Variants in CRYL1 observed in about 807,000 individuals in gnomAD.
The protein encoded by CRYL1 is lambda-crystallin homolog.
A neutral mutation model predicts 36.6 loss-of-function variants in CRYL1; 29 were observed. That is an observed-to-expected ratio of 0.79 (90% confidence interval 0.59 to 1.08). The LOEUF is 1.08. Ranked by LOEUF, CRYL1 falls within the 50% of genes least tolerant of loss-of-function variation. The pLI, the probability that CRYL1 is intolerant of heterozygous loss-of-function variation, is 0.00. For missense variants in CRYL1, 411 were observed against 407.9 expected, an observed-to-expected ratio of 1.01 and a Z score of -0.06; for synonymous variants, 152 against 151.5, an observed-to-expected ratio of 1.00 and a Z score of -0.02.
At chr13:20,456,615 C>T (rs1000187548) in intron 3 of CRYL1, among the ~76,000 whole-genome samples, 1 of 40,218 alleles carries the variant, frequency 2.5e-5, no homozygotes, top group Non-Finnish European at 5.1e-5. Context: ...AACACACACA[C>T]ACACACACAC....
intron 2 of CRYL1, among the ~76,000 whole-genome samples, chr13:20,489,975 A>G (rs929057327): frequency 3.3e-5 from 5 of 152,204 alleles, no homozygotes; most frequent in African/African-American, 9.6e-5. Context: ...ACAGGAAGAA[A>G]ATTCTGTCAC....
intron 5 of CRYL1, among the ~76,000 whole-genome samples, chr13:20,417,599 G>A (rs1285815946): frequency 2.6e-5 from 4 of 152,176 alleles, no homozygotes; most frequent in East Asian, 1.9e-4. Context: ...ACATGGTTTC[G>A]CGTCCTGAAA....
intron 3 of CRYL1, among the ~76,000 whole-genome samples, chr13:20,445,774 T>G (rs2032439752): frequency 6.6e-6 from 1 of 152,194 alleles, no homozygotes; most frequent in Admixed American, 6.5e-5. Context: ...AAAGTAAAAC[T>G]ATGACAAAAA....
chr13:20,404,170 T>A lies in CRYL1; in HGVS notation c.919A>T (p.Met307Leu). ...ARRQWRDECL[M>L]RLAKLKSQVQ... ...TGACTCTTCAACTTGGCGAGTCTCATGAGGCACTCGTCCCTCCACTGCCTC... is the reference window on the plus strand; with the variant it reads ...TGACTCTTCAACTTGGCGAGTCTCAAGAGGCACTCGTCCCTCCACTGCCTC... The change falls in exon 8 of 8, where the codon ATG (methionine) becomes TTG (leucine). Residue 307 changes from methionine (M) to leucine (L), a missense_variant. Physicochemically the swap from Met to Leu is conservative, Grantham distance 15. Transcript: ENST00000298248. 6.2e-7 allele frequency: 1 copy of A among 1,614,040 alleles called. No individual in the cohort carries two copies. The highest frequency in any genetic ancestry group is 8.5e-7 in the Non-Finnish European group (1 of 1,179,938).
intron 6 of CRYL1, among the ~76,000 whole-genome samples, chr13:20,406,660 G>A (rs955896807): frequency 1.3e-4 from 19 of 150,986 alleles, no homozygotes; most frequent in Non-Finnish European, 2.4e-4. Context: ...ACTTTTGCTA[G>A]TTGCTTATTT....
In CRYL1 at chr13:20,481,189, G is replaced by A. The variant is rs961117831; in HGVS notation, c.276+8181C>T. 9.2e-5 allele frequency among the ~76,000 whole-genome samples: 14 copies of A among 152,154 alleles called. No homozygotes were observed. The highest frequency in any genetic ancestry group is 3.4e-4 in the African/African-American group (14 of 41,440). On this transcript the variant is annotated intron_variant, in intron 3 of 7. Transcript: ENST00000298248. This position sits in a 1 kb window ranked among gnomAD's most constrained non-coding sequence, Gnocchi z 4.1. The stretch of plus-strand genomic sequence containing the variant: ...AAGGCTCGTGCTTCCAGATGATCTC[G>A]TGAGTGTGTGAGGTGGGCTTGCCCC...
chr13:20,511,616 A>T (rs573297122), intron 2 of CRYL1, among the ~76,000 whole-genome samples: 1 of 152,348 alleles, frequency 6.6e-6, no homozygotes, highest in East Asian at 1.9e-4. Flanking sequence ...ACAAAAATGC[A>T]AATTCAAGTC....
rs551299903 is a variant in CRYL1 at position 20,464,938 on chromosome 13, C to A, written c.276+24432G>T. 2.6e-4 allele frequency among the ~76,000 whole-genome samples: 40 copies of A among 152,306 alleles called. 2 individuals carry two copies. Among genetic ancestry groups the A allele is most frequent in the South Asian group, 1.5e-3 (7 of 4,826 alleles). ...TATCCCTGAAAGAAAACCTCTGCAC[C>A]TTTTTCAAAGCAACTTTGATGATGC... On this transcript the variant is annotated intron_variant, in intron 3 of 7. Transcript: ENST00000298248.
chr13:20,463,952 C>A (rs1019048770), intron 3 of CRYL1, among the ~76,000 whole-genome samples: 1 of 152,104 alleles, frequency 6.6e-6, no homozygotes, highest in Non-Finnish European at 1.5e-5. Flanking sequence ...AGCCACTCTA[C>A]ACAAAAGCAA....
At chr13:20,480,238 G>A (rs920788662) in intron 3 of CRYL1, among the ~76,000 whole-genome samples, 15 of 151,986 alleles carry the variant, frequency 9.9e-5, no homozygotes, top group South Asian at 4.2e-4. Context: ...AAAATTATCC[G>A]GGTGTAGCAG....
chr13:20,410,932 G>A (rs1201674906), intron 6 of CRYL1, among the ~76,000 whole-genome samples: 1 of 152,226 alleles, frequency 6.6e-6, no homozygotes, highest in Admixed American at 6.5e-5. Context: ...CTGAGGGCCC[G>A]TCTTTCAGGG....
chr13:20,439,085 C>A (rs1346751309), intron 4 of CRYL1, among the ~76,000 whole-genome samples: 1 of 152,216 alleles, frequency 6.6e-6, no homozygotes, highest in Non-Finnish European at 1.5e-5. Flanking sequence ...CAGTCAGAAT[C>A]TCAGGAGCAG....
At chr13:20,414,707 A>G (rs11147692) in intron 5 of CRYL1, among the ~76,000 whole-genome samples, 11,849 of 152,234 alleles carry the variant, frequency 0.078, 1,173 homozygotes, top group African/African-American at 0.22. Flanking sequence ...GTTGTTATGT[A>G]TTAAGGTTAG....
intron 3 of CRYL1, among the ~76,000 whole-genome samples, chr13:20,472,207 G>T (rs959076834): frequency 6.6e-6 from 1 of 152,076 alleles, no homozygotes; most frequent in African/African-American, 2.4e-5. Flanking sequence ...CATATCACCT[G>T]TGCACATCCT....
In CRYL1 at chr13:20,507,506, C is replaced by G. The variant is rs973480983; in HGVS notation, c.149+4937G>C. 2.6e-5 allele frequency among the ~76,000 whole-genome samples: 4 copies of G among 152,328 alleles called. No homozygotes were observed. In the Middle Eastern group the frequency reaches 0.01, roughly 389 times the overall value. On this transcript the variant is annotated intron_variant, in intron 2 of 7. Transcript: ENST00000298248. Reference sequence around the variant, plus strand: ...AAAGCATGACCTAATCAGAGATTCACGGGTCTCCTCTTCCCTTGGAGGTAC... The same window carrying G: ...AAAGCATGACCTAATCAGAGATTCAGGGGTCTCCTCTTCCCTTGGAGGTAC...
At position 20,431,066 on chromosome 13, in the gene CRYL1, A is replaced by G. The variant is rs535588192; in HGVS notation, c.633+1036T>C. 4.1e-6 allele frequency: 4 copies of G among 985,456 alleles called. No homozygotes were observed. In the Admixed American group the frequency reaches 1.8e-4, roughly 45 times the overall value. The allele number at this position is 985,456 out of a possible 1,614,324, so 61.0% of individuals were successfully genotyped here. A position where few individuals can be genotyped will look rare whatever the true frequency, so the allele number is the denominator to read the frequency against. On this transcript the variant is annotated intron_variant, in intron 5 of 7. Transcript: ENST00000298248. ...GGCAAATGCACCCGGCAGTCCAGTC[A>G]GACAATGTACCTAACGGGGATTTGG...
intron 1 of CRYL1, among the ~76,000 whole-genome samples, chr13:20,520,683 T>G (rs1433044394): frequency 6.6e-6 from 1 of 151,860 alleles, no homozygotes; most frequent in Non-Finnish European, 1.5e-5. Context: ...GCCCACACAC[T>G]CAGTCATTGC....
At chr13:20,437,380 T>A (rs1229870794) in intron 4 of CRYL1, among the ~76,000 whole-genome samples, 2 of 151,364 alleles carry the variant, frequency 1.3e-5, no homozygotes, top group Non-Finnish European at 2.9e-5. Flanking sequence ...CGATCTCGGC[T>A]CACTGCAAGC....
chr13:20,521,372 A>G (rs2034095959), intron 1 of CRYL1, among the ~76,000 whole-genome samples: 1 of 152,194 alleles, frequency 6.6e-6, no homozygotes, highest in South Asian at 2.1e-4. Context: ...CACAGGGACC[A>G]GATTGCACGG....
Sources: gnomAD v4.1 joint callset for allele counts (sites outside exome capture counted in the v4.1 genomes callset) on GRCh38, gnomAD v4.1.1 for gene constraint, Gnocchi (gnomAD v3.1) non-coding constraint, MANE v1.5 for transcripts, NCBI Gene and HGNC (gene_info 2026-07-23, HGNC 2026-07-21) for gene names.